Variants in INPP5A observed in about 807,000 individuals in gnomAD.
The protein encoded by INPP5A is inositol polyphosphate-5-phosphatase A.
A neutral mutation model predicts 65.2 loss-of-function variants in INPP5A; 14 were observed. That is an observed-to-expected ratio of 0.21 (90% CI 0.14 to 0.34). The LOEUF is 0.34. Ranked by LOEUF, INPP5A falls within the 10% of genes least tolerant of loss-of-function variation. INPP5A has a pLI of 1.00. For synonymous variants in INPP5A, 207 were observed against 208.3 expected (o/e 0.99, Z 0.05); for missense variants, 431 against 545.6 (o/e 0.79, Z 2.09).
intron 11 of INPP5A, among the ~76,000 whole-genome samples, chr10:132,764,686 C>T (rs1405391768): frequency 1.5e-5 from 2 of 135,556 alleles, no homozygotes; most frequent in Admixed American, 7.5e-5. Flanking sequence ...GAAACACGGC[C>T]GGGTCAGTCC....
At chr10:132,702,308 G>A (rs1459797960) in intron 6 of INPP5A, among the ~76,000 whole-genome samples, 1 of 152,072 alleles carries the variant, frequency 6.6e-6, no homozygotes, top group Non-Finnish European at 1.5e-5. Flanking sequence ...AAATAACATT[G>A]TTTCTCGTTT....
At chr10:132,646,132 G>T (rs951842992) in intron 3 of INPP5A, among the ~76,000 whole-genome samples, 164 bp downstream of exon 3, 1 of 152,196 alleles carries the variant, frequency 6.6e-6, no homozygotes, top group African/African-American at 2.4e-5. Context: ...TGGCCCAGAC[G>T]TGTGGCCACG....
intron 2 of INPP5A, among the ~76,000 whole-genome samples, chr10:132,612,265 G>C (rs2071970254): frequency 6.6e-6 from 1 of 151,848 alleles, no homozygotes; most frequent in Non-Finnish European, 1.5e-5. Flanking sequence ...GTGGGCAGGG[G>C]AGAGGCCTTG....
At chr10:132,748,400 T>C (rs1161975417) in intron 9 of INPP5A, among the ~76,000 whole-genome samples, 1 of 152,136 alleles carries the variant, frequency 6.6e-6, no homozygotes, top group African/African-American at 2.4e-5. Context: ...CTCTCAGATG[T>C]GGGTCTCACA....
At chr10:132,632,272 C>A (rs1232821746) in intron 2 of INPP5A, among the ~76,000 whole-genome samples, 1 of 152,234 alleles carries the variant, frequency 6.6e-6, no homozygotes, top group Non-Finnish European at 1.5e-5. Context: ...TGGGGAGCTG[C>A]TTGGCTTTCT....
chr10:132,578,615 G>GCGGGGAC (rs1590843403), intron 1 of INPP5A, among the ~76,000 whole-genome samples: 1 of 87,434 alleles, frequency 1.1e-5, no homozygotes, highest in Admixed American at 1.2e-4. Context: ...AGGAGAGTGT[G>GCGGGGAC]TGGGGCGTCT....
intron 12 of INPP5A, among the ~76,000 whole-genome samples, chr10:132,771,038 C>T (rs1413243872): frequency 1.3e-5 from 2 of 152,224 alleles, no homozygotes; most frequent in South Asian, 4.1e-4. Context: ...GAGGCAGGCT[C>T]GTCCGCCCTT....
chr10:132,600,736 C>G (rs1264090675), intron 1 of INPP5A, among the ~76,000 whole-genome samples: 1 of 152,144 alleles, frequency 6.6e-6, no homozygotes, highest in Non-Finnish European at 1.5e-5. Context: ...TGGGGAGGCC[C>G]CAGAATCATG....
chr10:132,645,097 A>G (rs938613725), intron 2 of INPP5A, among the ~76,000 whole-genome samples: 1 of 152,212 alleles, frequency 6.6e-6, no homozygotes, highest in Non-Finnish European at 1.5e-5. Flanking sequence ...TATTTGTTGC[A>G]CTGCTCTTTA....
rs145247247 is a variant in INPP5A at position 132,603,254 on chromosome 10, A to T, written c.76-4661A>T. Among the ~76,000 whole-genome samples, 29 of 152,308 alleles carry T rather than the reference A, an allele frequency of 1.9e-4. No homozygotes were observed. The East Asian group carries it at 5.2e-3, about 27-fold the overall frequency. ...GGGTATTCTCTATTAGGGGCTGTAT[A>T]GCAAACACGCTAAAGATCATCTCAG... On this transcript the variant is annotated intron_variant, in intron 1 of 15. Coordinates refer to ENST00000368594, the MANE Select transcript of INPP5A (RefSeq NM_005539.5). The surrounding 1 kb of genome is among the most constrained non-coding windows in gnomAD (Gnocchi z 4.2).
chr10:132,665,680 C>T (rs1472687492), intron 4 of INPP5A, among the ~76,000 whole-genome samples: 1 of 143,352 alleles, frequency 7.0e-6, no homozygotes, highest in Admixed American at 6.9e-5. Flanking sequence ...AGGTGAATTG[C>T]TTGAGTTTAG....
rs966561402 is a variant in INPP5A at position 132,675,834 on chromosome 10, G to A, written c.307-14558G>A. On this transcript the variant is annotated intron_variant, in intron 4 of 15. Coordinates refer to ENST00000368594, the MANE Select transcript of INPP5A (RefSeq NM_005539.5). The surrounding 1 kb of genome is among the most constrained non-coding windows in gnomAD (Gnocchi z 4.2). ...CCCTGAGCTTTTGTACTGGCAGAAG[G>A]TATTTTGTAAACAGCTTGTGTTCAG... 2.0e-5 allele frequency among the ~76,000 whole-genome samples: 3 copies of A among 152,156 alleles called. No homozygotes were observed. The highest frequency in any genetic ancestry group is 4.4e-5 in the Non-Finnish European group (3 of 68,032).
intron 9 of INPP5A, among the ~76,000 whole-genome samples, chr10:132,728,192 G>A (rs903008939): frequency 1.3e-5 from 2 of 152,238 alleles, no homozygotes; most frequent in Admixed American, 1.3e-4. Flanking sequence ...TCATCTGGCT[G>A]TGGAGGAGGA....
intron 1 of INPP5A, among the ~76,000 whole-genome samples, chr10:132,602,365 G>A (rs541927726): frequency 4.6e-5 from 7 of 152,216 alleles, no homozygotes; most frequent in South Asian, 4.1e-4. Context: ...ACACAGTCTC[G>A]GCTCACTGCA....
At chr10:132,683,266 GCA>G (rs1189945704) in intron 4 of INPP5A, among the ~76,000 whole-genome samples, 3 of 145,900 alleles carry the variant, frequency 2.1e-5, no homozygotes, top group Non-Finnish European at 3.0e-5. Context: ...ATATACATAT[GCA>G]CACACGTTTA....
Position 132,645,942 on chromosome 10 carries a change from C to T in INPP5A, c.192C>T (p.Ser64=). 1.2e-6 allele frequency: 2 copies of T among 1,613,872 alleles called. No individual in the cohort carries two copies. Among genetic ancestry groups the T allele is most frequent in the Non-Finnish European group, 1.7e-6 (2 of 1,179,800 alleles). ...QEFGGKNYEA[S]MSHVDKFVKE... is the part of the protein sequence containing the mutation. ...TTGGAGGGAAGAACTACGAGGCCTC[C>T]ATGTCCCACGTGGACAAGTTCGTCA... The change falls in exon 3 of 16, where the codon TCC becomes TCT. Residue 64 remains serine (S), a synonymous_variant. Transcript: ENST00000368594.
chr10:132,649,206 C>G (rs2072539728), intron 3 of INPP5A, among the ~76,000 whole-genome samples: 1 of 152,162 alleles, frequency 6.6e-6, no homozygotes, highest in Non-Finnish European at 1.5e-5. Context: ...TTGTGTTTGT[C>G]CACTCCTTCC....
chr10:132,637,137 T>C lies in INPP5A; in HGVS notation c.118-8731T>C, dbSNP rs1385359249. On this transcript the variant is annotated intron_variant, in intron 2 of 15. Transcript: ENST00000368594. The surrounding 1 kb of genome is among the most constrained non-coding windows in gnomAD (Gnocchi z 4.1). ...TTGACCATGTTGGCCAGGATGGTCT[T>C]GATCTCCTGACCTTGTGGTTGATCC... Among the ~76,000 whole-genome samples the C allele has an allele frequency of 6.6e-6, 1 of 152,208 alleles. No individual in the cohort carries two copies. The highest frequency in any genetic ancestry group is 1.5e-5 in the Non-Finnish European group (1 of 68,026).
At chr10:132,600,056 A>ATTT (rs2071756480) in intron 1 of INPP5A, among the ~76,000 whole-genome samples, 1 of 152,140 alleles carries the variant, frequency 6.6e-6, no homozygotes, top group South Asian at 2.1e-4. Context: ...GCCTGGAGAC[A>ATTT]TTTTCCACAT....
Sources: allele counts gnomAD v4.1 joint callset (sites outside exome capture counted in the v4.1 genomes callset), GRCh38; gene constraint gnomAD v4.1.1; non-coding constraint Gnocchi (gnomAD v3.1); transcripts MANE v1.5; gene names NCBI Gene and HGNC (gene_info 2026-07-23, HGNC 2026-07-21).